Variants in BMERB1 observed in about 807,000 individuals in gnomAD.
BMERB1 encodes bMERB domain-containing protein 1.
BMERB1 carries 12 observed loss-of-function variants against 23.6 expected under a neutral mutation model. The ratio of observed to expected loss-of-function variants is 0.51; its 90% CI spans 0.33 to 0.82. The LOEUF is 0.82. Among genes scored for constraint, BMERB1 ranks in the 40% least tolerant of loss-of-function variants. The pLI is 0.03. For synonymous variants in BMERB1, 122 were observed against 96.6 expected (o/e 1.26, Z -1.54); for missense variants, 247 against 255.4 (o/e 0.97, Z 0.22).
intron 1 of BMERB1, among the ~76,000 whole-genome samples, chr16:15,493,715 A>G (rs2051444830): frequency 6.8e-6 from 1 of 147,778 alleles, no homozygotes; most frequent in Admixed American, 7.1e-5. Context: ...GACCACCCTC[A>G]TTCAGATGAG....
intron 1 of BMERB1, among the ~76,000 whole-genome samples, chr16:15,490,140 A>C (rs2051407545): frequency 6.6e-6 from 1 of 152,136 alleles, no homozygotes; most frequent in African/African-American, 2.4e-5. Context: ...CTGGGATTAC[A>C]GGTGTAAGCC....
At chr16:15,463,952 C>T (rs907262084) in intron 1 of BMERB1, among the ~76,000 whole-genome samples, 3 of 151,662 alleles carry the variant, frequency 2.0e-5, no homozygotes, top group African/African-American at 2.4e-5. Context: ...AGAGGGCTCT[C>T]GGATCTTGTG....
At chr16:15,538,565 C>T (rs915002051) in intron 2 of BMERB1, among the ~76,000 whole-genome samples, 2 of 152,172 alleles carry the variant, frequency 1.3e-5, no homozygotes, top group Non-Finnish European at 2.9e-5. Flanking sequence ...CTGCTTAGAC[C>T]TGTTAGAACT....
At chr16:15,482,115 A>G (rs2051327364) in intron 1 of BMERB1, among the ~76,000 whole-genome samples, 1 of 152,132 alleles carries the variant, frequency 6.6e-6, no homozygotes, top group Admixed American at 6.5e-5. Context: ...GATAGGGTCC[A>G]CTGCCATTGA....
At chr16:15,584,926 G>T (rs1464133881) in intron 5 of BMERB1, among the ~76,000 whole-genome samples, 3 of 152,164 alleles carry the variant, frequency 2.0e-5, no homozygotes, top group Admixed American at 2.0e-4. Context: ...AAGAGGCTGG[G>T]GGTACTGGGA....
intron 1 of BMERB1, among the ~76,000 whole-genome samples, chr16:15,500,727 C>T (rs757781428): frequency 5.9e-5 from 9 of 152,232 alleles, no homozygotes; most frequent in Non-Finnish European, 1.2e-4. Context: ...TCTCGGCTCA[C>T]TGCAACCTCC....
chr16:15,568,178 C>T (rs2030630349), intron 3 of BMERB1, 122 bp downstream of exon 3: 2 of 748,314 alleles, frequency 2.7e-6, no homozygotes, highest in Non-Finnish European at 4.4e-6. Flanking sequence ...TCCCTGACTG[C>T]ATGTGTCAAA....
In BMERB1 at chr16:15,529,015, GTGTTTGTT is replaced by G. The variant is rs369446865; in HGVS notation, c.230+13610_230+13617del. On this transcript the variant is annotated intron_variant, in intron 2 of 5. Transcript: ENST00000300006. Reference sequence around the variant, plus strand: ...CAGCCTCTTTTACCATGAAAAATAAGTGTTTGTTTGTTTGTTTGTTTGTTTGTTTGACG... The same window carrying G: ...CAGCCTCTTTTACCATGAAAAATAAGTGTTTGTTTGTTTGTTTGTTTGACG... Among the ~76,000 whole-genome samples, 656 of 151,612 alleles carry G rather than the reference GTGTTTGTT, an allele frequency of 4.3e-3. 5 individuals are homozygous for G. Among genetic ancestry groups the G allele is most frequent in the African/African-American group, 0.014 (592 of 41,182 alleles).
At chr16:15,522,058 T>G (rs1361839609) in intron 2 of BMERB1, among the ~76,000 whole-genome samples, 1 of 152,164 alleles carries the variant, frequency 6.6e-6, no homozygotes. Context: ...ACCAACCCGC[T>G]CCTGCTGTTT....
At chr16:15,528,560 C>A (rs1159084535) in intron 2 of BMERB1, among the ~76,000 whole-genome samples, 1 of 152,032 alleles carries the variant, frequency 6.6e-6, no homozygotes, top group Non-Finnish European at 1.5e-5. Context: ...ACCCCCAGCT[C>A]CCTCCCTTAC....
intron 1 of BMERB1, among the ~76,000 whole-genome samples, chr16:15,450,532 A>G (rs2051032915): frequency 6.6e-6 from 1 of 152,040 alleles, no homozygotes; most frequent in Non-Finnish European, 1.5e-5. Flanking sequence ...GTTCAGTGGC[A>G]TGATCTTGGC....
intron 3 of BMERB1, among the ~76,000 whole-genome samples, chr16:15,580,898 T>G (rs908394632): frequency 2.0e-5 from 3 of 147,714 alleles, no homozygotes; most frequent in Non-Finnish European, 3.0e-5. Context: ...TAATTTTTTG[T>G]TTTTTTTTTC....
chr16:15,498,871 C>T (rs1167066800), intron 1 of BMERB1, among the ~76,000 whole-genome samples: 3 of 152,228 alleles, frequency 2.0e-5, no homozygotes, highest in African/African-American at 7.2e-5. Flanking sequence ...TGCTGCTGCA[C>T]AGCCTACAGT....
chr16:15,502,204 G>A lies in BMERB1; in HGVS notation c.107-13101G>A, dbSNP rs866251060. The A allele has an allele frequency of 1.0e-5, 13 of 1,293,774 alleles. No homozygotes were observed. In the Middle Eastern group the frequency reaches 1.5e-3, roughly 146 times the overall value. 80.1% of individuals were successfully genotyped at this position (1,293,774 alleles called of 1,614,324 possible). A position where few individuals can be genotyped will look rare whatever the true frequency, so the allele number is the denominator to read the frequency against. ...TTTTGTGTCCTTTGACACGTCAGAT[G>A]TGGCTGGGGAAACAGAAACTCGCAG... On this transcript the variant is annotated intron_variant, in intron 1 of 5. Coordinates refer to ENST00000300006, the MANE Select transcript of BMERB1 (RefSeq NM_033201.3).
chr16:15,542,407 C>G (rs548809303), intron 2 of BMERB1, among the ~76,000 whole-genome samples: 1 of 151,964 alleles, frequency 6.6e-6, no homozygotes, highest in African/African-American at 2.4e-5. Context: ...CTTCTGGTGA[C>G]GAGGCCCCAA....
chr16:15,558,055 T>A (rs28680775), intron 2 of BMERB1, among the ~76,000 whole-genome samples: 94,667 of 150,904 alleles, frequency 0.63, 30,750 homozygotes, highest in African/African-American at 0.81. Flanking sequence ...AAAAAAAAAA[T>A]TTTTTTTGAC....
At chr16:15,579,001 G>A (rs535516454) in intron 3 of BMERB1, among the ~76,000 whole-genome samples, 1 of 152,160 alleles carries the variant, frequency 6.6e-6, no homozygotes, top group African/African-American at 2.4e-5. Context: ...GTGAGTAGGT[G>A]GTTTCTCCTG....
intron 2 of BMERB1, among the ~76,000 whole-genome samples, chr16:15,567,123 C>G (rs2030590964): frequency 6.6e-6 from 1 of 151,650 alleles, no homozygotes. Flanking sequence ...CCCAGGAGTT[C>G]AAGTCTGCAG....
At chr16:15,562,986 A>T (rs1169435479) in intron 2 of BMERB1, among the ~76,000 whole-genome samples, 1 of 152,184 alleles carries the variant, frequency 6.6e-6, no homozygotes, top group African/African-American at 2.4e-5. Flanking sequence ...GGACAGCATG[A>T]GTTGTTCTTG....
Sources: allele counts gnomAD v4.1 joint callset (sites outside exome capture counted in the v4.1 genomes callset), GRCh38; gene constraint gnomAD v4.1.1; transcripts MANE v1.5; gene names NCBI Gene and HGNC (gene_info 2026-07-23, HGNC 2026-07-21).